ICE2: variants seen among roughly 807,000 people sequenced by gnomAD.
ICE2 encodes the protein little elongation complex subunit 2.
ICE2 carries 87 observed loss-of-function variants against 105.4 expected under a neutral mutation model. That is an observed-to-expected ratio of 0.83 (90% CI 0.69 to 0.99). The LOEUF (loss-of-function observed/expected upper bound fraction) is 0.99. ICE2 is among the 50% of genes least tolerant of loss of function. The probability of loss-of-function intolerance (pLI) is 0.00; values close to 1 mark genes in which losing one functional copy is unlikely to be tolerated. For synonymous variants in ICE2, 399 were observed against 392.0 expected (o/e 1.02, Z -0.21); for missense variants, 1,323 against 1,146.7 (o/e 1.15, Z -2.22).
chr15:60,446,401 A>T (rs970147661), intron 11 of ICE2, among the ~76,000 whole-genome samples: 1 of 152,056 alleles, frequency 6.6e-6, no homozygotes, highest in Non-Finnish European at 1.5e-5. Context: ...GGCACTTTTT[A>T]AAAATTTTTT....
In ICE2 at chr15:60,423,762, T is replaced by C; in HGVS notation, c.2821A>G (p.Ile941Val). The change falls in exon 16 of 16, where the codon ATT (isoleucine) becomes GTT (valine). Residue 941 changes from isoleucine (I) to valine (V), a missense_variant and splice_region_variant. Physicochemically the swap from Ile to Val is conservative, Grantham distance 29. Transcript: ENST00000261520. ...CGTGTAGGCATTCTCGTTCCACCAA[T>C]CTAAGAGATGAAGCAGAGAACAGAA... ...KSLDTTTQQKIGGTRMPTRSH... is the reference protein window; with the variant it reads ...KSLDTTTQQKVGGTRMPTRSH... 1 of 1,584,458 alleles carries C rather than the reference T, an allele frequency of 6.3e-7. No individual in the cohort carries two copies. Among genetic ancestry groups the C allele is most frequent in the Non-Finnish European group, 8.5e-7 (1 of 1,169,868 alleles).
At chr15:60,454,540 T>A (rs1476265935) in intron 8 of ICE2, 2 of 152,778 alleles carry the variant, frequency 1.3e-5, no homozygotes, top group East Asian at 3.8e-4. Flanking sequence ...TTAATTCATT[T>A]AGTAGTGCTG....
chr15:60,428,600 C>T lies in ICE2; in HGVS notation c.2649G>A (p.Arg883=). 2 of 1,614,040 alleles carry T rather than the reference C, an allele frequency of 1.2e-6. No individual in the cohort carries two copies. Among genetic ancestry groups the T allele is most frequent in the Non-Finnish European group, 1.7e-6 (2 of 1,179,982 alleles). Residue 883 remains arginine (R), a synonymous_variant, in exon 15 of 16, where the codon AGG becomes AGA. Coordinates refer to ENST00000261520, the MANE Select transcript of ICE2 (RefSeq NM_024611.6). ...IYKASDGKVT[R]TAYNLYKTHC... ...GTGTTTTATACAAATTGTATGCTGT[C>T]CTAGTAACTTTTCCATCAGAGGCCT... is the stretch of plus-strand genomic sequence containing the variant.
chr15:60,447,025 A>C (rs1360401899), intron 11 of ICE2, among the ~76,000 whole-genome samples: 1 of 152,232 alleles, frequency 6.6e-6, no homozygotes. Context: ...AAAAAAATGC[A>C]AACTAATCTG....
At chr15:60,442,831 G>A in intron 11 of ICE2, 2 of 218,296 alleles carry the variant, frequency 9.2e-6, no homozygotes, top group Non-Finnish European at 1.8e-5. Context: ...ATTTTGGTCA[G>A]GGAATGTGAC....
At chr15:60,460,029 G>C (rs1372415798) in intron 5 of ICE2, among the ~76,000 whole-genome samples, 1 of 152,196 alleles carries the variant, frequency 6.6e-6, no homozygotes, top group Non-Finnish European at 1.5e-5. Flanking sequence ...CAATCTAGCT[G>C]AACAGTTTTA....
At chr15:60,461,818 A>G (rs979499391) in intron 5 of ICE2, among the ~76,000 whole-genome samples, 2 of 152,194 alleles carry the variant, frequency 1.3e-5, no homozygotes, top group African/African-American at 2.4e-5. Context: ...ATTTCACACT[A>G]AAAGAAACAA....
At position 60,447,959 on chromosome 15, in the gene ICE2, T is replaced by C. The variant is rs750649398; in HGVS notation, c.2295+11A>G. ...TGTGATCATATTCTAACTCCGCAAA[T>C]AACAACTTACTCTTCTGATTTTCTT... On this transcript the variant is annotated intron_variant, in intron 11 of 15. Coordinates refer to ENST00000261520, the MANE Select transcript of ICE2 (RefSeq NM_024611.6). 1 of 1,601,736 alleles carries C rather than the reference T, an allele frequency of 6.2e-7. No individual in the cohort carries two copies. Among genetic ancestry groups the C allele is most frequent in the South Asian group, 1.1e-5 (1 of 89,004 alleles).
At chr15:60,455,554 T>C in intron 6 of ICE2, 112 bp from the exon 7 acceptor site, 1 of 677,044 alleles carries the variant, frequency 1.5e-6, no homozygotes, top group Non-Finnish European at 2.5e-6. Flanking sequence ...TTCTACTAAA[T>C]GTAAACATCA....
intron 15 of ICE2, among the ~76,000 whole-genome samples, chr15:60,426,393 T>TA (rs2063338773): frequency 6.6e-6 from 1 of 152,218 alleles, no homozygotes; most frequent in Non-Finnish European, 1.5e-5. Context: ...AGCAATAGGC[T>TA]ATACCATACG....
Position 60,456,726 on chromosome 15 carries a change from G to A in ICE2, c.597C>T (p.Thr199=). Reference sequence around the variant, plus strand: ...TGAATGGGAAGAATCCCATTAAGCTGGTGACCTCGTGGAGAGTATAGAATT... The same window carrying A: ...TGAATGGGAAGAATCCCATTAAGCTAGTGACCTCGTGGAGAGTATAGAATT... The part of the protein sequence containing the change: ...YSEFYTLHEV[T]SLMGFFPFRV... Residue 199 remains threonine, a synonymous_variant, in exon 6 of 16, where the codon ACC becomes ACT. Transcript: ENST00000261520. 1.3e-6 allele frequency: 2 copies of A among 1,592,414 alleles called. No individual in the cohort carries two copies. The highest frequency in any genetic ancestry group is 1.7e-6 in the Non-Finnish European group (2 of 1,168,234).
At chr15:60,475,989 G>T in intron 3 of ICE2, 74 bp downstream of exon 3, 1 of 918,812 alleles carries the variant, frequency 1.1e-6, no homozygotes, top group Non-Finnish European at 1.7e-6. Context: ...TAATACTAGA[G>T]ATACACATAA....
rs1265148879 is a variant in ICE2, at chr15:60,449,274, C to A, written c.1693G>T (p.Asp565Tyr). 1.9e-6 allele frequency: 3 copies of A among 1,613,376 alleles called. No homozygotes were observed. The highest frequency in any genetic ancestry group is 2.5e-6 in the Non-Finnish European group (3 of 1,179,990). The change falls in exon 10 of 16, where the codon GAT becomes TAT. Residue 565 changes from aspartate (D) to tyrosine (Y), a missense_variant. Physicochemically the swap from Asp to Tyr is radical, Grantham distance 160. Transcript: ENST00000261520. Reference protein sequence around the residue: ...TVGSEAAKTEDTVLCSSDTDE... With the variant: ...TVGSEAAKTEYTVLCSSDTDE... Reference sequence around the variant, plus strand: ...GTATCACTGCTGCAGAGAACTGTATCTTCAGTTTTTGCTGCTTCTGATCCA... The same window carrying A: ...GTATCACTGCTGCAGAGAACTGTATATTCAGTTTTTGCTGCTTCTGATCCA...
Position 60,431,959 on chromosome 15 carries a change from G to T in ICE2, c.2536C>A (p.Gln846Lys). 1 of 1,409,806 alleles carries T rather than the reference G, an allele frequency of 7.1e-7. No homozygotes were observed. Among genetic ancestry groups the T allele is most frequent in the Non-Finnish European group, 9.9e-7 (1 of 1,011,084 alleles). 87.3% of individuals were successfully genotyped at this position (1,409,806 alleles called of 1,614,324 possible). A position where few individuals can be genotyped will look rare whatever the true frequency, so the allele number is the denominator to read the frequency against. Residue 846 changes from glutamine to lysine, a missense_variant, in exon 14 of 16, where the codon CAA (glutamine) becomes AAA (lysine). Physicochemically the swap from Gln to Lys is moderately conservative, Grantham distance 53. Coordinates refer to ENST00000261520, the MANE Select transcript of ICE2 (RefSeq NM_024611.6). The part of the protein sequence containing the change: ...LKISNLFNIL[Q>K]HILKKLSSLQ... The stretch of plus-strand genomic sequence containing the variant: ...CTACTTAGTTTCTTTAGAATGTGTT[G>T]GAGGATGTTAAATAAATTGGAAATC...
intron 11 of ICE2, among the ~76,000 whole-genome samples, chr15:60,447,087 G>A (rs982678649): frequency 6.6e-6 from 1 of 152,038 alleles, no homozygotes; most frequent in African/African-American, 2.4e-5. Context: ...TACTCAAATT[G>A]CAGCAATACA....
rs572460249 is a variant in ICE2 at position 60,462,539 on chromosome 15, T to C, written c.528+4055A>G. Among the ~76,000 whole-genome samples the C allele has an allele frequency of 7.9e-5, 12 of 152,176 alleles. No individual in the cohort carries two copies. The South Asian group carries it at 2.5e-3, about 32-fold the overall frequency. On this transcript the variant is annotated intron_variant, in intron 5 of 15. Transcript: ENST00000261520. Reference sequence around the variant, plus strand: ...AAAATAAATATATACAATTTTAACTTGTCAATAGAAAAAGATAAAATTCAA... The same window carrying C: ...AAAATAAATATATACAATTTTAACTCGTCAATAGAAAAAGATAAAATTCAA...
At chr15:60,459,177 T>G (rs2064206924) in intron 5 of ICE2, among the ~76,000 whole-genome samples, 1 of 152,174 alleles carries the variant, frequency 6.6e-6, no homozygotes, top group Non-Finnish European at 1.5e-5. Context: ...TCTCCAGAAC[T>G]AATGGAGGCT....
At position 60,456,676 on chromosome 15, in the gene ICE2, T is replaced by C; in HGVS notation, c.647A>G (p.Glu216Gly). ...CCTTACCAATGCGAGAAGAGTTTTT[T>C]CTAACTTTAATCCCATCTCTACTCT... The part of the protein sequence containing the change: ...PFRVEMGLKL[E>G]KTLLALGSVK... Residue 216 changes from glutamate (E) to glycine (G), a missense_variant, in exon 6 of 16, where the codon GAA becomes GGA. Glu to Gly is a moderately conservative substitution (Grantham distance 98). Transcript: ENST00000261520. 6.3e-7 allele frequency: 1 copy of C among 1,591,094 alleles called. No individual in the cohort carries two copies. Among genetic ancestry groups the C allele is most frequent in the Non-Finnish European group, 8.5e-7 (1 of 1,171,160 alleles).
intron 12 of ICE2, chr15:60,438,151 G>A (rs2063637578): frequency 6.6e-6 from 1 of 152,160 alleles, no homozygotes; most frequent in Non-Finnish European, 1.5e-5. Context: ...TGGGTTAAAT[G>A]TTATATAAGT....
Sources: gnomAD v4.1 joint callset for allele counts (sites outside exome capture counted in the v4.1 genomes callset) on GRCh38, gnomAD v4.1.1 for gene constraint, MANE v1.5 for transcripts, NCBI Gene and HGNC (gene_info 2026-07-23, HGNC 2026-07-21) for gene names.